The following ODAD2 variants were observed in gnomAD, a reference collection of about 807,000 sequenced individuals.
The protein encoded by ODAD2 is outer dynein arm-docking complex subunit 2.
ODAD2 carries 89 observed loss-of-function variants against 106.8 expected under a neutral mutation model. The ratio of observed to expected loss-of-function variants is 0.83; its 90% CI spans 0.70 to 0.99. ODAD2 has a LOEUF of 0.99. Ranked by LOEUF, ODAD2 falls within the 50% of genes least tolerant of loss-of-function variation. The pLI is 0.00. For synonymous variants in ODAD2, 404 were observed against 436.2 expected (o/e 0.93, Z 0.92); for missense variants, 1,168 against 1,238.5 (o/e 0.94, Z 0.85).
chr10:27,969,341 T>C (rs1370751880), intron 8 of ODAD2, among the ~76,000 whole-genome samples: 2 of 152,108 alleles, frequency 1.3e-5, no homozygotes, highest in Non-Finnish European at 2.9e-5. Flanking sequence ...TTCTATTTTC[T>C]TATCTTCCCC....
chr10:27,910,702 A>G (rs1427240550), intron 16 of ODAD2, among the ~76,000 whole-genome samples: 2 of 152,144 alleles, frequency 1.3e-5, no homozygotes, highest in Non-Finnish European at 1.5e-5. Flanking sequence ...AGTTGCAGTG[A>G]GCCCAGATTG....
intron 16 of ODAD2, among the ~76,000 whole-genome samples, chr10:27,926,088 T>G (rs531629938): frequency 1.3e-5 from 2 of 152,160 alleles, no homozygotes; most frequent in Admixed American, 1.3e-4. Flanking sequence ...CTAGATATTA[T>G]TTTAGTCTTT....
chr10:27,988,723 A>T (rs1221857211), intron 2 of ODAD2, among the ~76,000 whole-genome samples: 1 of 152,176 alleles, frequency 6.6e-6, no homozygotes, highest in East Asian at 1.9e-4. Flanking sequence ...TGACCAACCG[A>T]GATTACTTAT....
At chr10:27,965,020 G>A (rs1046411345) in intron 9 of ODAD2, among the ~76,000 whole-genome samples, 2 of 152,204 alleles carry the variant, frequency 1.3e-5, no homozygotes, top group Admixed American at 6.5e-5. Context: ...TGATGGACAG[G>A]AGGCAACAGT....
chr10:27,815,429 C>T (rs1481692838), intron 19 of ODAD2, among the ~76,000 whole-genome samples: 2 of 152,204 alleles, frequency 1.3e-5, no homozygotes, highest in East Asian at 3.8e-4. Context: ...GTCTTAAATT[C>T]CATCCCACTG....
chr10:27,965,444 G>T (rs1398173379), intron 9 of ODAD2, among the ~76,000 whole-genome samples: 1 of 130,608 alleles, frequency 7.7e-6, no homozygotes, highest in Non-Finnish European at 1.8e-5. Context: ...CTTGTAGTAT[G>T]AGGTGGGGGC....
rs562507420 is a variant in ODAD2 at position 27,872,106 on chromosome 10, C to A, written c.2611-9484G>T. 2.1e-4 allele frequency among the ~76,000 whole-genome samples: 32 copies of A among 152,092 alleles called. No individual in the cohort carries two copies. In the East Asian group the frequency reaches 5.8e-3, roughly 28 times the overall value. ...AAGTTGGATCCCTAGGTATTTTATT[C>A]TCTTTGAAGCAATTGTGAATGGGAG... On this transcript the variant is annotated intron_variant, in intron 17 of 19. Transcript: ENST00000305242.
chr10:27,999,173 T>C (rs1850735369), upstream of ODAD2: 1 of 152,178 alleles, frequency 6.6e-6, no homozygotes, highest in African/African-American at 2.4e-5. Context: ...CTCAAACACT[T>C]TTATGCAACT....
chr10:27,957,508 C>T (rs1214554318), intron 10 of ODAD2: 2 of 152,150 alleles, frequency 1.3e-5, no homozygotes, highest in Admixed American at 1.3e-4. Context: ...GAAGGCAGAA[C>T]ATAAGTGCTT....
At chr10:27,949,103 C>T (rs1030092263) in intron 10 of ODAD2, among the ~76,000 whole-genome samples, 9 of 151,922 alleles carry the variant, frequency 5.9e-5, no homozygotes, top group Admixed American at 3.9e-4. Context: ...TAAACATTTG[C>T]TAAGTTGAAA....
chr10:27,868,739 C>T (rs1292679302), intron 17 of ODAD2, among the ~76,000 whole-genome samples: 1 of 151,982 alleles, frequency 6.6e-6, no homozygotes, highest in Non-Finnish European at 1.5e-5. Flanking sequence ...GGCTTAATAC[C>T]TAGGTGATGG....
At chr10:27,899,717 G>A (rs1486023399) in intron 17 of ODAD2, among the ~76,000 whole-genome samples, 1 of 152,064 alleles carries the variant, frequency 6.6e-6, no homozygotes, top group Non-Finnish European at 1.5e-5. Context: ...ACTGGGCGGA[G>A]CCCACCACAG....
chr10:27,995,388 C>A (rs922497425), intron 1 of ODAD2, among the ~76,000 whole-genome samples: 1 of 151,966 alleles, frequency 6.6e-6, no homozygotes, highest in Non-Finnish European at 1.5e-5. Flanking sequence ...AAGAAATTTC[C>A]GGTATTTGCC....
chr10:27,868,059 C>A (rs764727831), intron 17 of ODAD2, among the ~76,000 whole-genome samples: 1 of 151,792 alleles, frequency 6.6e-6, no homozygotes, highest in African/African-American at 2.4e-5. Context: ...GACATTTATG[C>A]GGCCAACAAA....
At chr10:27,990,556 T>A (rs1174474190) in intron 2 of ODAD2, among the ~76,000 whole-genome samples, 2 of 152,192 alleles carry the variant, frequency 1.3e-5, no homozygotes, top group Non-Finnish European at 2.9e-5. Flanking sequence ...AAACTAGCAG[T>A]CCTCAGGGAC....
At position 27,820,777 on chromosome 10, in the gene ODAD2, C is replaced by CTTTTTTTTTTTTTT. The variant is rs72095120; in HGVS notation, c.3022-8166_3022-8153dup. ...CAATTAAACCAATGAAGCCCAGCAA[C>CTTTTTTTTTTTTTT]TTTTTTTTTTTTTTTTTTTTTTTTG... is the stretch of plus-strand genomic sequence containing the variant. On this transcript the variant is annotated intron_variant, in intron 19 of 19. Transcript: ENST00000305242. 2.0e-3 allele frequency among the ~76,000 whole-genome samples: 211 copies of CTTTTTTTTTTTTTT among 105,510 alleles called. 6 individuals are homozygous for CTTTTTTTTTTTTTT. The highest frequency in any genetic ancestry group is 7.9e-3 in the African/African-American group (202 of 25,688). 69.2% of individuals were successfully genotyped at this position (105,510 alleles called of 152,430 possible).
chr10:27,957,493 T>G lies in ODAD2; in HGVS notation c.1386+4075A>C, dbSNP rs1040404475. ...AGACAGACAACCTGAACCATCAGGATAGCAGAAGGCAGAACATAAGTGCTT... is the reference window on the plus strand; with the variant it reads ...AGACAGACAACCTGAACCATCAGGAGAGCAGAAGGCAGAACATAAGTGCTT... On this transcript the variant is annotated intron_variant, in intron 10 of 19. Transcript: ENST00000305242. The G allele has an allele frequency of 3.3e-5, 5 of 152,186 alleles. 1 individual carries two copies. The allele number at this position is 152,186 out of a possible 1,614,324, so 9.4% of individuals were successfully genotyped here.
At chr10:27,958,901 G>C (rs1188549262) in intron 10 of ODAD2, 1 of 1,303,878 alleles carries the variant, frequency 7.7e-7, no homozygotes. Context: ...CAAAGATCAT[G>C]CTTCTAATTA....
rs774716452 is a variant in ODAD2 at position 27,987,551 on chromosome 10, A to G, written c.225-8T>C. 3 of 1,596,586 alleles carry G rather than the reference A, an allele frequency of 1.9e-6. No homozygotes were observed. The highest frequency in any genetic ancestry group is 2.3e-5 in the South Asian group (2 of 87,782). ...GATTTGACTGTTGTTTCACTAAAAAATAAAAATAAAAAATTGAAAGCTTCA... is the reference window on the plus strand; with the variant it reads ...GATTTGACTGTTGTTTCACTAAAAAGTAAAAATAAAAAATTGAAAGCTTCA... On this transcript the variant is annotated splice_region_variant and splice_polypyrimidine_tract_variant and intron_variant, in intron 2 of 19. Transcript: ENST00000305242.
Sources: gnomAD v4.1 joint callset for allele counts (sites outside exome capture counted in the v4.1 genomes callset) on GRCh38, gnomAD v4.1.1 for gene constraint, MANE v1.5 for transcripts, NCBI Gene and HGNC (gene_info 2026-07-23, HGNC 2026-07-21) for gene names.